HS3ST5: variants seen among roughly 807,000 people sequenced by gnomAD.
HS3ST5 encodes the protein heparan sulfate glucosamine 3-O-sulfotransferase 5.
HS3ST5 carries 10 observed loss-of-function variants against 25.4 expected under a neutral mutation model. The ratio of observed to expected loss-of-function variants is 0.39; its 90% CI spans 0.24 to 0.67. HS3ST5 has a LOEUF of 0.67. Ranked by LOEUF, HS3ST5 falls within the 30% of genes least tolerant of loss-of-function variation. The pLI is 0.44. For missense variants in HS3ST5, 324 were observed against 420.7 expected, an observed-to-expected ratio of 0.77 and a Z score of 2.01; for synonymous variants, 170 against 162.4, an observed-to-expected ratio of 1.05 and a Z score of -0.36.
At chr6:114,334,542 T>C (rs1776531397) in intron 1 of HS3ST5, among the ~76,000 whole-genome samples, 1 of 152,224 alleles carries the variant, frequency 6.6e-6, no homozygotes, top group African/African-American at 2.4e-5. Context: ...TCTTGTTAGA[T>C]TACACTATTA....
intron 1 of HS3ST5, among the ~76,000 whole-genome samples, chr6:114,318,768 A>AAT (rs1775847949): frequency 6.6e-6 from 1 of 152,156 alleles, no homozygotes; most frequent in Admixed American, 6.5e-5. Context: ...CTCTTGGGGA[A>AAT]ATAGAAGCAG....
At chr6:114,298,396 A>T (rs1229907592) in intron 1 of HS3ST5, among the ~76,000 whole-genome samples, 1 of 152,224 alleles carries the variant, frequency 6.6e-6, no homozygotes, top group African/African-American at 2.4e-5. Context: ...TTCTCATTTA[A>T]CACTTAAGGG....
chr6:114,150,857 A>C (rs1363868136), intron 3 of HS3ST5, among the ~76,000 whole-genome samples: 1 of 152,208 alleles, frequency 6.6e-6, no homozygotes, highest in African/African-American at 2.4e-5. Flanking sequence ...TGTGAATTAC[A>C]TTGGAAAACG....
rs188149996 is a variant in HS3ST5, at chr6:114,125,875, G to A, written c.-33+42476C>T. Among the ~76,000 whole-genome samples the A allele has an allele frequency of 2.6e-3, 395 of 152,278 alleles. 1 individual carries two copies. Among genetic ancestry groups the A allele is most frequent in the Middle Eastern group, 6.8e-3 (2 of 294 alleles). On this transcript the variant is annotated intron_variant, in intron 3 of 4. Transcript: ENST00000312719. ...AATGCAGAAATAGGCAAATTATCCA[G>A]GCTCTCTTTTGAAGTGAAATACATG...
intron 3 of HS3ST5, among the ~76,000 whole-genome samples, chr6:114,157,501 A>T (rs1252489704): frequency 6.6e-6 from 1 of 152,180 alleles, no homozygotes; most frequent in East Asian, 1.9e-4. Flanking sequence ...AGTTTGGGAG[A>T]TTTATTACAC....
intron 1 of HS3ST5, among the ~76,000 whole-genome samples, chr6:114,324,486 T>G (rs1776094837): frequency 1.3e-5 from 2 of 152,172 alleles, no homozygotes; most frequent in Non-Finnish European, 2.9e-5. Context: ...ACTCTGACTC[T>G]CAGTTTTAAA....
chr6:114,195,545 G>T (rs988088068), intron 2 of HS3ST5, among the ~76,000 whole-genome samples: 1 of 152,140 alleles, frequency 6.6e-6, no homozygotes, highest in Admixed American at 6.6e-5. Context: ...CTGTGTCCAG[G>T]ACCAGGATTC....
intron 1 of HS3ST5, among the ~76,000 whole-genome samples, chr6:114,253,780 A>G (rs1772774014): frequency 6.6e-6 from 1 of 152,164 alleles, no homozygotes; most frequent in Non-Finnish European, 1.5e-5. Context: ...AGTATTTCAG[A>G]TATTCATCTA....
chr6:114,103,857 A>ATTT (rs71553394), intron 3 of HS3ST5, among the ~76,000 whole-genome samples: 29 of 107,088 alleles, frequency 2.7e-4, no homozygotes, highest in Non-Finnish European at 3.6e-4. Flanking sequence ...CACCTGGCTA[A>ATTT]TTTTTTTTTT....
chr6:114,122,480 T>C (rs190060861), intron 3 of HS3ST5, among the ~76,000 whole-genome samples: 108 of 152,300 alleles, frequency 7.1e-4, no homozygotes, highest in Non-Finnish European at 1.2e-3. Context: ...TGGCATCCAG[T>C]TAGAAAATCT....
chr6:114,310,622 T>A (rs6912640), intron 1 of HS3ST5, among the ~76,000 whole-genome samples: 49,347 of 151,772 alleles, frequency 0.33, 8,903 homozygotes, highest in Non-Finnish European at 0.41. Context: ...ATGTTTGTTG[T>A]ATATAGATGC....
intron 1 of HS3ST5, among the ~76,000 whole-genome samples, chr6:114,338,215 G>C (rs1034285019): frequency 6.6e-6 from 1 of 151,640 alleles, no homozygotes; most frequent in Admixed American, 6.6e-5. Flanking sequence ...TTCTATTCCT[G>C]TTGTACAAGG....
In HS3ST5 at chr6:114,278,670, G is replaced by A. The variant is rs140215919; in HGVS notation, c.-338-49892C>T. On this transcript the variant is annotated intron_variant, in intron 1 of 4. Transcript: ENST00000312719. ...GAAAGCCAAAGGCTGAGGGCAGGTT[G>A]GGTGAGAGGAAGCACACTGCTGAAG... Among the ~76,000 whole-genome samples the A allele has an allele frequency of 3.9e-3, 595 of 152,068 alleles. 2 individuals carry two copies. Among genetic ancestry groups the A allele is most frequent in the Non-Finnish European group, 6.3e-3 (431 of 67,910 alleles).
At chr6:114,096,762 C>A (rs1025860886) in intron 3 of HS3ST5, among the ~76,000 whole-genome samples, 1 of 152,016 alleles carries the variant, frequency 6.6e-6, no homozygotes, top group Non-Finnish European at 1.5e-5. Flanking sequence ...CACTAGGGGG[C>A]TCTCTAATAT....
rs1009729436 is a variant in HS3ST5, at chr6:114,104,289, G to A, written c.-32-41412C>T. Among the ~76,000 whole-genome samples the A allele has an allele frequency of 1.4e-4, 22 of 152,180 alleles. 1 individual carries two copies. Among genetic ancestry groups the A allele is most frequent in the South Asian group, 2.1e-4 (1 of 4,818 alleles). On this transcript the variant is annotated intron_variant, in intron 3 of 4. Coordinates refer to ENST00000312719, the MANE Select transcript of HS3ST5 (RefSeq NM_153612.4). ...ACATACCTTGCCTCTTATCTCTGGT[G>A]AATAATTATAAATTAAATTAGGTCT... is the stretch of plus-strand genomic sequence containing the variant.
chr6:114,319,186 TATA>T (rs1312804134), intron 1 of HS3ST5, among the ~76,000 whole-genome samples: 2 of 152,154 alleles, frequency 1.3e-5, no homozygotes, highest in Non-Finnish European at 2.9e-5. Flanking sequence ...TCACAGAAAA[TATA>T]AGAATTCAGA....
chr6:114,329,146 G>A (rs1776290578), intron 1 of HS3ST5, among the ~76,000 whole-genome samples: 1 of 152,098 alleles, frequency 6.6e-6, no homozygotes, highest in African/African-American at 2.4e-5. Flanking sequence ...CAGTATGAAT[G>A]TACCTTCTAA....
intron 1 of HS3ST5, among the ~76,000 whole-genome samples, chr6:114,324,719 A>G (rs1205564993): frequency 1.3e-5 from 2 of 152,216 alleles, no homozygotes; most frequent in Non-Finnish European, 2.9e-5. Context: ...CGGTACCATC[A>G]CTGTATAGTG....
chr6:114,200,432 T>C (rs925236068), intron 2 of HS3ST5, among the ~76,000 whole-genome samples: 3 of 152,218 alleles, frequency 2.0e-5, no homozygotes, highest in Non-Finnish European at 4.4e-5. Context: ...AGATTCCTTT[T>C]TGTCTTTGAA....
Sources: gnomAD v4.1 joint callset for allele counts (sites outside exome capture counted in the v4.1 genomes callset) on GRCh38, gnomAD v4.1.1 for gene constraint, MANE v1.5 for transcripts, NCBI Gene and HGNC (gene_info 2026-07-23, HGNC 2026-07-21) for gene names.